Variants in SLCO3A1 observed in about 807,000 individuals in gnomAD.
SLCO3A1 encodes PGE1 transporter.
SLCO3A1 carries 27 observed loss-of-function variants against 63.1 expected under a neutral mutation model. That is an observed-to-expected ratio of 0.43 (90% CI 0.32 to 0.59). The LOEUF is 0.59. Ranked by LOEUF, SLCO3A1 falls within the 20% of genes least tolerant of loss-of-function variation. SLCO3A1 has a pLI of 0.09. For synonymous variants in SLCO3A1, 473 were observed against 409.9 expected, an observed-to-expected ratio of 1.15 and a Z score of -1.86; for missense variants, 773 against 945.8, an observed-to-expected ratio of 0.82 and a Z score of 2.40.
At chr15:91,982,552 G>C (rs1373532662) in intron 2 of SLCO3A1, among the ~76,000 whole-genome samples, 1 of 152,226 alleles carries the variant, frequency 6.6e-6, no homozygotes, top group African/African-American at 2.4e-5. Flanking sequence ...AAACAACCAA[G>C]TCAAGCTTTT....
At chr15:92,115,729 A>G (rs1281527345) in intron 4 of SLCO3A1, among the ~76,000 whole-genome samples, 1 of 149,870 alleles carries the variant, frequency 6.7e-6, no homozygotes, top group Non-Finnish European at 1.5e-5. Flanking sequence ...CCTTTTCTAC[A>G]GTACAAGCCT....
intron 2 of SLCO3A1, among the ~76,000 whole-genome samples, chr15:91,956,370 T>C (rs1212676099): frequency 6.6e-6 from 1 of 152,210 alleles, no homozygotes; most frequent in Non-Finnish European, 1.5e-5. Flanking sequence ...TTACCACTTC[T>C]GGGCAGCCTC....
At chr15:92,045,943 G>T (rs779163574) in intron 2 of SLCO3A1, among the ~76,000 whole-genome samples, 1 of 152,114 alleles carries the variant, frequency 6.6e-6, no homozygotes, top group South Asian at 2.1e-4. Flanking sequence ...CTGTCCTCTC[G>T]TGATGGTGTT....
chr15:92,128,951 C>T (rs185981682), intron 7 of SLCO3A1, among the ~76,000 whole-genome samples: 1 of 152,358 alleles, frequency 6.6e-6, no homozygotes, highest in African/African-American at 2.4e-5. Flanking sequence ...CTAAATGCCT[C>T]CCACCTCTTT....
rs1291132944 is a variant in SLCO3A1, at chr15:92,047,542, T to TA, written c.647-47337dup. ...ACATAAATAAATATATAAATATATATAATATATAAATATATAAATATATAT... is the reference window on the plus strand; with the variant it reads ...ACATAAATAAATATATAAATATATATAAATATATAAATATATAAATATATAT... On this transcript the variant is annotated intron_variant, in intron 2 of 9. Transcript: ENST00000318445. Among the ~76,000 whole-genome samples, 66 of 13,148 alleles carry TA rather than the reference T, an allele frequency of 5.0e-3. 10 individuals are homozygous for TA. The highest frequency in any genetic ancestry group is 7.5e-3 in the African/African-American group (19 of 2,526). 8.6% of individuals were successfully genotyped at this position (13,148 alleles called of 152,430 possible).
chr15:92,083,900 A>G (rs2047375915), intron 2 of SLCO3A1, among the ~76,000 whole-genome samples: 1 of 152,182 alleles, frequency 6.6e-6, no homozygotes, highest in South Asian at 2.1e-4. Context: ...CACAGGTGAG[A>G]GTATGGAGGG....
intron 3 of SLCO3A1, 29 bp downstream of exon 3, chr15:92,095,008 C>G (rs956913139): frequency 2.1e-6 from 3 of 1,455,468 alleles, no homozygotes; most frequent in African/African-American, 1.4e-5. Context: ...TGTCTACCTT[C>G]CATCCGCAAG....
intron 1 of SLCO3A1, among the ~76,000 whole-genome samples, chr15:91,895,095 G>A (rs1286408712): frequency 6.6e-6 from 1 of 152,106 alleles, no homozygotes. Flanking sequence ...ATCTCTTCAA[G>A]TCCAATCTTT....
chr15:91,874,616 C>T (rs1266350583), intron 1 of SLCO3A1, among the ~76,000 whole-genome samples: 2 of 152,092 alleles, frequency 1.3e-5, no homozygotes, highest in Non-Finnish European at 2.9e-5. Context: ...ATGTATAGAC[C>T]ACGTTTTGCT....
chr15:92,172,047 A>G (rs2048524730), exon 11 of SLCO3A1: 5 of 586,780 alleles, frequency 8.5e-6, no homozygotes, highest in Admixed American at 5.8e-5. Context: ...GAGGTGACTT[A>G]TGGTCAGGAG....
At position 92,164,543 on chromosome 15, in the gene SLCO3A1, T is replaced by G; in HGVS notation, c.*1408T>G. Reference sequence around the variant, plus strand: ...ACTCTTAGATGTGGGTTTGTGTGTATGGGTGCAACACTTCCGGGGATAGGA... The same window carrying G: ...ACTCTTAGATGTGGGTTTGTGTGTAGGGGTGCAACACTTCCGGGGATAGGA... On this transcript the variant is annotated 3_prime_UTR_variant, in exon 10 of 10. Transcript: ENST00000318445. 1.0e-6 allele frequency: 1 copy of G among 985,422 alleles called. No homozygotes were observed. The highest frequency in any genetic ancestry group is 1.2e-6 in the Non-Finnish European group (1 of 829,930). 61.0% of individuals were successfully genotyped at this position (985,422 alleles called of 1,614,324 possible). A position where few individuals can be genotyped will look rare whatever the true frequency, so the allele number is the denominator to read the frequency against.
At chr15:92,056,989 G>C (rs115550971) in intron 2 of SLCO3A1, among the ~76,000 whole-genome samples, 1,602 of 152,324 alleles carry the variant, frequency 0.011, 26 homozygotes, top group African/African-American at 0.035. Flanking sequence ...CCTCCTGCCA[G>C]AAAATACATT....
intron 2 of SLCO3A1, among the ~76,000 whole-genome samples, chr15:92,027,994 A>C (rs114475002): frequency 0.013 from 1,923 of 152,328 alleles, 52 homozygotes; most frequent in African/African-American, 0.044. Flanking sequence ...CGTTCGGCTC[A>C]ATCTGCACAA....
chr15:92,143,577 C>A (rs1024452402), intron 7 of SLCO3A1, among the ~76,000 whole-genome samples: 1 of 131,048 alleles, frequency 7.6e-6, no homozygotes, highest in East Asian at 2.2e-4. Flanking sequence ...TCTCTGTCTT[C>A]ATTAGCTTTA....
chr15:91,905,134 G>A (rs1385833443), intron 1 of SLCO3A1, among the ~76,000 whole-genome samples: 1 of 152,236 alleles, frequency 6.6e-6, no homozygotes, highest in Non-Finnish European at 1.5e-5. Context: ...AAGCAAACAG[G>A]GAAATACAGC....
downstream of SLCO3A1, among the ~76,000 whole-genome samples, chr15:92,167,405 G>T (rs554506773): frequency 6.6e-6 from 1 of 152,202 alleles, no homozygotes; most frequent in Non-Finnish European, 1.5e-5. Flanking sequence ...CCAAGAGAGG[G>T]TGCTAGTGAA....
chr15:92,072,839 C>G (rs916742238), intron 2 of SLCO3A1, among the ~76,000 whole-genome samples: 1 of 152,168 alleles, frequency 6.6e-6, no homozygotes, highest in Non-Finnish European at 1.5e-5. Flanking sequence ...TCTCAAGATC[C>G]TTAACTTAAT....
intron 2 of SLCO3A1, among the ~76,000 whole-genome samples, chr15:92,019,578 A>G (rs2046481746): frequency 6.6e-6 from 1 of 152,356 alleles, no homozygotes; most frequent in Non-Finnish European, 1.5e-5. Flanking sequence ...CTTGAACTGC[A>G]TCTTGAGGGA....
At chr15:91,993,465 T>C (rs1027854122) in intron 2 of SLCO3A1, among the ~76,000 whole-genome samples, 10 of 152,160 alleles carry the variant, frequency 6.6e-5, no homozygotes, top group African/African-American at 2.4e-4. Flanking sequence ...GCTCAGAAAG[T>C]AGATAGTAAA....
Sources: gnomAD v4.1 joint callset for allele counts (sites outside exome capture counted in the v4.1 genomes callset) on GRCh38, gnomAD v4.1.1 for gene constraint, MANE v1.5 for transcripts, NCBI Gene and HGNC (gene_info 2026-07-23, HGNC 2026-07-21) for gene names.